Variants in NVL observed in about 807,000 individuals in gnomAD.
NVL encodes nuclear valosin-containing protein-like.
A neutral mutation model predicts 110.2 loss-of-function variants in NVL; 84 were observed. That is an observed-to-expected ratio of 0.76 (90% CI 0.64 to 0.91). The LOEUF is 0.91. Ranked by LOEUF, NVL falls within the 40% of genes least tolerant of loss-of-function variation. NVL has a pLI of 0.00. For missense variants in NVL, 882 were observed against 1,035.9 expected, an observed-to-expected ratio of 0.85 and a Z score of 2.04; for synonymous variants, 354 against 361.1, an observed-to-expected ratio of 0.98 and a Z score of 0.22.
At chr1:224,234,229 A>G (rs893995161) in intron 20 of NVL, among the ~76,000 whole-genome samples, 1 of 152,204 alleles carries the variant, frequency 6.6e-6, no homozygotes, top group Non-Finnish European at 1.5e-5. Context: ...CACAGTTCTG[A>G]GTTCAATGAA....
At chr1:224,303,649 G>A (rs1410972532) in intron 9 of NVL, 74 bp downstream of exon 9, 8 of 1,509,084 alleles carry the variant, frequency 5.3e-6, no homozygotes, top group East Asian at 4.6e-5. Flanking sequence ...GGTTTAAGTT[G>A]ACCAAAGAGA....
intron 18 of NVL, among the ~76,000 whole-genome samples, chr1:224,255,580 T>C (rs1663125307): frequency 6.6e-6 from 1 of 152,192 alleles, no homozygotes; most frequent in Non-Finnish European, 1.5e-5. Context: ...ATTCTCTTAT[T>C]TGCATTTTTG....
At chr1:224,305,261 T>G in intron 6 of NVL, 95 bp from the exon 7 acceptor site, 2 of 1,264,780 alleles carry the variant, frequency 1.6e-6, no homozygotes, top group Non-Finnish European at 2.2e-6. Context: ...GAAAATTCAT[T>G]CCTGCCCTAG....
chr1:224,256,681 T>C (rs1362255682), intron 18 of NVL, among the ~76,000 whole-genome samples: 3 of 152,210 alleles, frequency 2.0e-5, no homozygotes, highest in Admixed American at 2.0e-4. Context: ...TGACTTAAAC[T>C]ACACTTCACT....
intron 2 of NVL, among the ~76,000 whole-genome samples, chr1:224,321,736 A>G (rs1670664205): frequency 7.6e-6 from 1 of 132,248 alleles, no homozygotes. Flanking sequence ...ACCCTGAGCA[A>G]CAGAGTAAGA....
At chr1:224,244,462 G>A (rs1016342427) in intron 19 of NVL, among the ~76,000 whole-genome samples, 1 of 151,956 alleles carries the variant, frequency 6.6e-6, no homozygotes, top group Non-Finnish European at 1.5e-5. Context: ...ATATAAAAAA[G>A]TAGTATATGG....
chr1:224,309,664 T>C (rs1400607632), intron 5 of NVL, among the ~76,000 whole-genome samples: 1 of 152,110 alleles, frequency 6.6e-6, no homozygotes, highest in Non-Finnish European at 1.5e-5. Flanking sequence ...TGAACCTCAA[T>C]GGAAAATATT....
At position 224,330,163 on chromosome 1, in the gene NVL, G is replaced by A. The variant is rs767874151; in HGVS notation, c.-36C>T. The A allele has an allele frequency of 6.2e-7, 1 of 1,610,844 alleles. No individual in the cohort carries two copies. The highest frequency in any genetic ancestry group is 8.5e-7 in the Non-Finnish European group (1 of 1,177,188). ...TTCCAAGCCACAGCTCGGACCGCCA[G>A]CTCCTAGTCAACCGGGGGCCTCGTA... On this transcript the variant is annotated 5_prime_UTR_variant, in exon 1 of 23. Transcript: ENST00000281701.
intron 9 of NVL, among the ~76,000 whole-genome samples, chr1:224,302,768 G>A (rs894733409): frequency 2.0e-5 from 3 of 152,202 alleles, no homozygotes; most frequent in African/African-American, 7.2e-5. Flanking sequence ...ACCACTGGGA[G>A]GGCAGGTGCA....
At chr1:224,317,110 G>A (rs1333654617) in intron 4 of NVL, among the ~76,000 whole-genome samples, 2 of 150,192 alleles carry the variant, frequency 1.3e-5, no homozygotes, top group Non-Finnish European at 2.9e-5. Flanking sequence ...CTGCACTCCA[G>A]CCTGGGTGAC....
At chr1:224,314,750 G>A (rs1177137806) in intron 4 of NVL, among the ~76,000 whole-genome samples, 2 of 152,078 alleles carry the variant, frequency 1.3e-5, no homozygotes, top group African/African-American at 2.4e-5. Context: ...AAATATGACA[G>A]ACATTCCAAA....
rs1021275174 is a variant in NVL, at chr1:224,291,544, C to T, written c.1326-1811G>A. 3.9e-5 allele frequency among the ~76,000 whole-genome samples: 6 copies of T among 152,168 alleles called. No homozygotes were observed. In the South Asian group the frequency reaches 1.2e-3, roughly 32 times the overall value. The stretch of plus-strand genomic sequence containing the variant: ...GCAGAATAGAAGCAGATAAACATTA[C>T]TGACAAATTTTTTAAAATTTCACTG... On this transcript the variant is annotated intron_variant, in intron 12 of 22. Transcript: ENST00000281701.
intron 4 of NVL, chr1:224,312,402 A>T (rs1669612119): frequency 6.6e-6 from 1 of 152,500 alleles, no homozygotes; most frequent in South Asian, 2.1e-4. Flanking sequence ...GTATCAAAAA[A>T]GAGGTATAAA....
chr1:224,301,139 CA>C (rs1355294242), intron 9 of NVL, among the ~76,000 whole-genome samples: 1 of 151,444 alleles, frequency 6.6e-6, no homozygotes, highest in Non-Finnish European at 1.5e-5. Context: ...TTCATGCAAA[CA>C]CATTTAAGTG....
At chr1:224,295,844 T>C (rs1667825359) in intron 11 of NVL, among the ~76,000 whole-genome samples, 1 of 149,252 alleles carries the variant, frequency 6.7e-6, no homozygotes, top group South Asian at 2.1e-4. Context: ...CACGCACCTG[T>C]AATCCCAGCT....
intron 18 of NVL, among the ~76,000 whole-genome samples, chr1:224,267,073 T>A (rs1664565083): frequency 6.6e-6 from 1 of 152,326 alleles, no homozygotes; most frequent in South Asian, 2.1e-4. Flanking sequence ...GTTGAGCTAA[T>A]GTGGTGACGC....
At chr1:224,260,406 G>A (rs976006396) in intron 18 of NVL, among the ~76,000 whole-genome samples, 8 of 152,046 alleles carry the variant, frequency 5.3e-5, no homozygotes, top group South Asian at 4.1e-4. Context: ...CTACAGGCAC[G>A]CGCCACCATG....
intron 19 of NVL, among the ~76,000 whole-genome samples, chr1:224,246,298 G>A (rs1661813758): frequency 1.3e-5 from 2 of 152,196 alleles, no homozygotes; most frequent in Admixed American, 1.3e-4. Flanking sequence ...CCAAAGTGCT[G>A]GGATTATAGG....
chr1:224,231,084 G>C, intron 22 of NVL, 142 bp downstream of exon 22: 1 of 575,650 alleles, frequency 1.7e-6, no homozygotes, highest in Non-Finnish European at 3.1e-6. Flanking sequence ...AGTGAGCAGA[G>C]ATCGCACCAC....
Sources: gnomAD v4.1 joint callset for allele counts (sites outside exome capture counted in the v4.1 genomes callset) on GRCh38, gnomAD v4.1.1 for gene constraint, MANE v1.5 for transcripts, NCBI Gene and HGNC (gene_info 2026-07-23, HGNC 2026-07-21) for gene names.